The following NXPH2 variants were observed in gnomAD, a reference collection of about 807,000 sequenced individuals.
The protein encoded by NXPH2 is neurexophilin 2.
In NXPH2, 5 loss-of-function variants were observed where a neutral mutation model predicts 19.8. That is an observed-to-expected ratio of 0.25 (90% confidence interval 0.13 to 0.53). The LOEUF is 0.53. Ranked by LOEUF, NXPH2 falls within the 20% of genes least tolerant of loss-of-function variation. NXPH2 has a pLI of 0.96. For synonymous variants in NXPH2, 154 were observed against 127.4 expected, an observed-to-expected ratio of 1.21 and a Z score of -1.41; for missense variants, 289 against 322.8, an observed-to-expected ratio of 0.90 and a Z score of 0.80.
At chr2:138,766,560 A>G (rs1397610660) in intron 1 of NXPH2, among the ~76,000 whole-genome samples, 2 of 152,142 alleles carry the variant, frequency 1.3e-5, no homozygotes, top group Non-Finnish European at 2.9e-5. Flanking sequence ...GCTCAAAATG[A>G]CAACAGTTCT....
chr2:138,701,617 T>C (rs1558917095), intron 1 of NXPH2, among the ~76,000 whole-genome samples: 1 of 152,208 alleles, frequency 6.6e-6, no homozygotes, highest in South Asian at 2.1e-4. Flanking sequence ...AGATTGCGGC[T>C]TGGAGGGATC....
intron 1 of NXPH2, among the ~76,000 whole-genome samples, chr2:138,769,240 G>C (rs968027379): frequency 2.0e-5 from 3 of 152,194 alleles, no homozygotes; most frequent in African/African-American, 7.2e-5. Context: ...GTGATGACAT[G>C]GCTGGGGATG....
At chr2:138,759,419 G>T (rs375307202) in intron 1 of NXPH2, among the ~76,000 whole-genome samples, 16 of 152,066 alleles carry the variant, frequency 1.1e-4, no homozygotes, top group African/African-American at 3.9e-4. Context: ...CAAGAGAGAG[G>T]TAGCTCTTGG....
intron 1 of NXPH2, among the ~76,000 whole-genome samples, chr2:138,740,299 A>C (rs138185566): frequency 6.6e-6 from 1 of 152,334 alleles, no homozygotes; most frequent in Non-Finnish European, 1.5e-5. Context: ...AACAACATGA[A>C]GTAAAGTATC....
Position 138,716,507 on chromosome 2 carries a change from G to A in NXPH2, c.52-44842C>T, listed in dbSNP as rs1408633595. 2.0e-5 allele frequency among the ~76,000 whole-genome samples: 3 copies of A among 152,248 alleles called. No homozygotes were observed. In the East Asian group the frequency reaches 5.8e-4, roughly 29 times the overall value. The stretch of plus-strand genomic sequence containing the variant: ...TTGATCTCGAACTTTCCAATCTCCA[G>A]AACTGTGAGCAATAAACATCTGTTG... On this transcript the variant is annotated intron_variant, in intron 1 of 1. Coordinates refer to ENST00000272641, the MANE Select transcript of NXPH2 (RefSeq NM_007226.3).
intron 1 of NXPH2, among the ~76,000 whole-genome samples, chr2:138,770,717 A>T (rs1394206181): frequency 6.6e-6 from 1 of 152,122 alleles, no homozygotes; most frequent in African/African-American, 2.4e-5. Context: ...CATAAAAAAG[A>T]TATCCATAAC....
intron 1 of NXPH2, among the ~76,000 whole-genome samples, chr2:138,684,444 T>A (rs1025068691): frequency 6.6e-6 from 1 of 151,620 alleles, no homozygotes; most frequent in Non-Finnish European, 1.5e-5. Flanking sequence ...TAAAGTCTGA[T>A]AACTGTTAAC....
chr2:138,769,755 C>G (rs1682147048), intron 1 of NXPH2, among the ~76,000 whole-genome samples: 1 of 152,174 alleles, frequency 6.6e-6, no homozygotes, highest in Non-Finnish European at 1.5e-5. Context: ...GATGCTCACC[C>G]CTTACCCTGA....
chr2:138,776,408 G>C (rs1046652861), intron 1 of NXPH2, among the ~76,000 whole-genome samples: 2 of 151,932 alleles, frequency 1.3e-5, no homozygotes, highest in African/African-American at 4.8e-5. Flanking sequence ...TTTTCTGTAT[G>C]GAAGGCATTC....
At chr2:138,778,137 C>T (rs111746354) in intron 1 of NXPH2, among the ~76,000 whole-genome samples, 15 of 152,196 alleles carry the variant, frequency 9.9e-5, no homozygotes, top group African/African-American at 3.6e-4. Context: ...ATTCTAACCC[C>T]CTTGTGTTAT....
chr2:138,748,125 G>C (rs532344547), intron 1 of NXPH2, among the ~76,000 whole-genome samples: 4 of 152,112 alleles, frequency 2.6e-5, no homozygotes, highest in Non-Finnish European at 4.4e-5. Flanking sequence ...AGTGTTTCAC[G>C]ATGTTGTCAT....
intron 1 of NXPH2, among the ~76,000 whole-genome samples, chr2:138,772,359 C>T (rs935324330): frequency 1.3e-5 from 2 of 152,190 alleles, no homozygotes; most frequent in Admixed American, 6.5e-5. Flanking sequence ...TGCAATGGCA[C>T]GATCTTGGCT....
At position 138,709,477 on chromosome 2, in the gene NXPH2, C is replaced by A. The variant is rs569218641; in HGVS notation, c.52-37812G>T. ...CTACCCACAGCTGCCCCATTACCACCTTTCCCCCCACCAGTGTGGTGCATT... is the reference window on the plus strand; with the variant it reads ...CTACCCACAGCTGCCCCATTACCACATTTCCCCCCACCAGTGTGGTGCATT... On this transcript the variant is annotated intron_variant, in intron 1 of 1. Transcript: ENST00000272641. Among the ~76,000 whole-genome samples the A allele has an allele frequency of 1.7e-3, 253 of 152,014 alleles. 1 individual carries two copies. Among genetic ancestry groups the A allele is most frequent in the Non-Finnish European group, 1.2e-3 (80 of 67,986 alleles).
Position 138,689,428 on chromosome 2 carries a change from G to A in NXPH2, c.52-17763C>T, listed in dbSNP as rs1240354757. Among the ~76,000 whole-genome samples, 6 of 152,278 alleles carry A rather than the reference G, an allele frequency of 3.9e-5. No individual in the cohort carries two copies. The East Asian group carries it at 9.7e-4, about 24-fold the overall frequency. ...GTGACTTACCCTCATTAACAGAGTAGGGGAGAGAAAGACTACTGGGAGGAG... is the reference window on the plus strand; with the variant it reads ...GTGACTTACCCTCATTAACAGAGTAAGGGAGAGAAAGACTACTGGGAGGAG... On this transcript the variant is annotated intron_variant, in intron 1 of 1. Transcript: ENST00000272641.
chr2:138,725,462 T>C lies in NXPH2; in HGVS notation c.52-53797A>G, dbSNP rs1681342791. On this transcript the variant is annotated intron_variant, in intron 1 of 1. Coordinates refer to ENST00000272641, the MANE Select transcript of NXPH2 (RefSeq NM_007226.3). ...AGGAGGTGAATCCATAAAGTTAGGA[T>C]TTCTCACATGAGTGTCGGATTCGAT... Among the ~76,000 whole-genome samples the C allele has an allele frequency of 2.0e-5, 3 of 152,236 alleles. No individual in the cohort carries two copies. The South Asian group carries it at 6.2e-4, about 32-fold the overall frequency.
At chr2:138,713,241 C>T (rs911718753) in intron 1 of NXPH2, among the ~76,000 whole-genome samples, 2 of 152,164 alleles carry the variant, frequency 1.3e-5, no homozygotes, top group Admixed American at 6.5e-5. Context: ...TGGGTCTGAC[C>T]TCCCTTGATT....
chr2:138,767,538 G>A (rs565018063), intron 1 of NXPH2, among the ~76,000 whole-genome samples: 8 of 152,254 alleles, frequency 5.3e-5, no homozygotes, highest in African/African-American at 1.9e-4. Flanking sequence ...GTGGTTTGCT[G>A]CACCTAATCA....
At chr2:138,778,066 T>C (rs1400333300) in intron 1 of NXPH2, among the ~76,000 whole-genome samples, 1 of 152,190 alleles carries the variant, frequency 6.6e-6, no homozygotes, top group Non-Finnish European at 1.5e-5. Flanking sequence ...GAGTAGGGCA[T>C]ATGCTGGGAT....
chr2:138,755,052 G>A (rs563388589), intron 1 of NXPH2, among the ~76,000 whole-genome samples: 77 of 152,128 alleles, frequency 5.1e-4, no homozygotes, highest in African/African-American at 1.3e-3. Flanking sequence ...TCTTTAAATT[G>A]CTTTTTACTG....
Sources: allele counts gnomAD v4.1 joint callset (sites outside exome capture counted in the v4.1 genomes callset), GRCh38; gene constraint gnomAD v4.1.1; transcripts MANE v1.5; gene names NCBI Gene and HGNC (gene_info 2026-07-23, HGNC 2026-07-21).